RUNX1: variants seen among roughly 807,000 people sequenced by gnomAD.
RUNX1 encodes runt-related transcription factor 1.
In RUNX1, 19 loss-of-function variants were observed where a neutral mutation model predicts 42.8. The observed-to-expected ratio is 0.44, with a 90% CI of 0.31 to 0.65. The LOEUF is 0.65. RUNX1 is among the 30% of genes least tolerant of loss of function. RUNX1 has a pLI of 0.07. For synonymous variants in RUNX1, 271 were observed against 289.4 expected (o/e 0.94, Z 0.64); for missense variants, 528 against 672.0 (o/e 0.79, Z 2.37).
At position 34,843,762 on chromosome 21, in the gene RUNX1, G is replaced by A. The variant is rs1455394118; in HGVS notation, c.614-9161C>T. 1.3e-5 allele frequency among the ~76,000 whole-genome samples: 2 copies of A among 150,922 alleles called. No individual in the cohort carries two copies. Among genetic ancestry groups the A allele is most frequent in the African/African-American group, 2.4e-5 (1 of 41,098 alleles). On this transcript the variant is annotated intron_variant, in intron 6 of 8. Coordinates refer to ENST00000675419, the MANE Select transcript of RUNX1 (RefSeq NM_001754.5). This position sits in a 1 kb window ranked among gnomAD's most constrained non-coding sequence, Gnocchi z 4.8. ...CCCTGAGTCCAGGGCTCATTGCCACGAGCAGTGGAGTTTTTCGCCCACTCA... is the reference window on the plus strand; with the variant it reads ...CCCTGAGTCCAGGGCTCATTGCCACAAGCAGTGGAGTTTTTCGCCCACTCA...
At chr21:34,932,409 C>T (rs992015873) in intron 2 of RUNX1, among the ~76,000 whole-genome samples, 2 of 152,128 alleles carry the variant, frequency 1.3e-5, no homozygotes, top group Non-Finnish European at 2.9e-5. Flanking sequence ...CTTTCCAGTC[C>T]TCTTCAAACC....
At chr21:34,846,529 T>G (rs1023874152) in intron 6 of RUNX1, among the ~76,000 whole-genome samples, 1 of 152,072 alleles carries the variant, frequency 6.6e-6, no homozygotes, top group African/African-American at 2.4e-5. Context: ...TCATTCAATC[T>G]CCTCTTCTTT....
At chr21:34,887,896 G>A in intron 3 of RUNX1, 2 of 1,064,542 alleles carry the variant, frequency 1.9e-6, no homozygotes, top group Non-Finnish European at 2.3e-6. Context: ...CTGTCAAAAC[G>A]CTCAGTGCAG....
intron 2 of RUNX1, among the ~76,000 whole-genome samples, chr21:34,957,916 C>G (rs958369171): frequency 1.3e-5 from 2 of 152,096 alleles, no homozygotes; most frequent in African/African-American, 4.8e-5. Context: ...GTCCCAGTAG[C>G]CAACCCTTTT....
chr21:35,011,622 T>C (rs921953501), intron 2 of RUNX1, among the ~76,000 whole-genome samples: 1 of 152,252 alleles, frequency 6.6e-6, no homozygotes, highest in Admixed American at 6.5e-5. Context: ...CCATGGCCAC[T>C]GCCTGTGGAC....
Position 34,792,347 on chromosome 21 carries a change from C to T in RUNX1, c.1231G>A (p.Ala411Thr), listed in dbSNP as rs1256594190. Residue 411 changes from alanine (A) to threonine (T), a missense_variant, in exon 9 of 9, where the codon GCC becomes ACC. Ala to Thr is a moderately conservative substitution (Grantham distance 58, BLOSUM62 0). This residue lies in a region of RUNX1 where 331 missense variants were observed against 382.5 expected (regional missense o/e 0.87). Coordinates refer to ENST00000675419, the MANE Select transcript of RUNX1 (RefSeq NM_001754.5). The surrounding 1 kb of genome is among the most constrained non-coding windows in gnomAD (Gnocchi z 6.9). ...ACCATGGAGAACTGGTAGGAGCCGG[C>T]CGAGGCGCCGTAGTACAGGTGGTAG... ...PSYHLYYGAS[A>T]GSYQFSMVGG... 1.3e-6 allele frequency: 2 copies of T among 1,556,282 alleles called. No individual in the cohort carries two copies. The highest frequency in any genetic ancestry group is 1.7e-6 in the Non-Finnish European group (2 of 1,150,388).
chr21:35,019,039 C>A (rs1311462945), intron 2 of RUNX1, among the ~76,000 whole-genome samples: 1 of 152,224 alleles, frequency 6.6e-6, no homozygotes, highest in Non-Finnish European at 1.5e-5. Context: ...ACTTTCAGCT[C>A]AAAAGTCTCC....
chr21:35,008,048 A>G (rs2059098445), intron 2 of RUNX1, among the ~76,000 whole-genome samples: 1 of 152,046 alleles, frequency 6.6e-6, no homozygotes, highest in Admixed American at 6.5e-5. Context: ...CACATGCTGT[A>G]CCTTTTTAGC....
At chr21:34,996,161 C>T (rs1447028497) in intron 2 of RUNX1, among the ~76,000 whole-genome samples, 1 of 152,090 alleles carries the variant, frequency 6.6e-6, no homozygotes, top group African/African-American at 2.4e-5. Flanking sequence ...TCTCATCAAG[C>T]AGGAATTCTC....
chr21:34,907,079 G>A lies in RUNX1; in HGVS notation c.59-14116C>T, dbSNP rs946371570. 2.0e-5 allele frequency among the ~76,000 whole-genome samples: 3 copies of A among 152,164 alleles called. No homozygotes were observed. Among genetic ancestry groups the A allele is most frequent in the African/African-American group, 4.8e-5 (2 of 41,438 alleles). On this transcript the variant is annotated intron_variant, in intron 2 of 8. Coordinates refer to ENST00000675419, the MANE Select transcript of RUNX1 (RefSeq NM_001754.5). The surrounding 1 kb of genome is among the most constrained non-coding windows in gnomAD (Gnocchi z 5.3). ...ATTCATTATTCATGAGGACTTGATCGTGTATTCAAAGTCAGCCAGGAGGGT... is the reference window on the plus strand; with the variant it reads ...ATTCATTATTCATGAGGACTTGATCATGTATTCAAAGTCAGCCAGGAGGGT...
chr21:34,792,246 G>T lies in RUNX1; in HGVS notation c.1332C>A (p.Pro444=). Residue 444 remains proline (P), a synonymous_variant, in exon 9 of 9, where the codon CCC becomes CCA. Coordinates refer to ENST00000675419, the MANE Select transcript of RUNX1 (RefSeq NM_001754.5). The surrounding 1 kb of genome is among the most constrained non-coding windows in gnomAD (Gnocchi z 6.9). ...NASTGSALLN[P]SLPNQSDVVE... Reference sequence around the variant, plus strand: ...CCACGTCGCTCTGGTTCGGGAGGCTGGGGTTGAGCAGCGCGGAGCCGGTGG... The same window carrying T: ...CCACGTCGCTCTGGTTCGGGAGGCTTGGGTTGAGCAGCGCGGAGCCGGTGG... The T allele has an allele frequency of 6.5e-7, 1 of 1,539,492 alleles. No individual in the cohort carries two copies. The highest frequency in any genetic ancestry group is 8.7e-7 in the Non-Finnish European group (1 of 1,147,688).
rs1396650311 is a variant in RUNX1, at chr21:34,843,199, G to A, written c.614-8598C>T. On this transcript the variant is annotated intron_variant, in intron 6 of 8. Transcript: ENST00000675419. This position sits in a 1 kb window ranked among gnomAD's most constrained non-coding sequence, Gnocchi z 4.8. ...ACACATACAGACACACACATACACAGACACCTGGACACACACACAGATATA... is the reference window on the plus strand; with the variant it reads ...ACACATACAGACACACACATACACAAACACCTGGACACACACACAGATATA... Among the ~76,000 whole-genome samples the A allele has an allele frequency of 6.6e-6, 1 of 151,516 alleles. No individual in the cohort carries two copies. The highest frequency in any genetic ancestry group is 1.9e-4 in the East Asian group (1 of 5,184).
chr21:34,963,410 G>T (rs1327027715), intron 2 of RUNX1, among the ~76,000 whole-genome samples: 1 of 152,310 alleles, frequency 6.6e-6, no homozygotes, highest in Non-Finnish European at 1.5e-5. Context: ...ACGTGAGGAT[G>T]AAAAAGCCCA....
Position 35,041,118 on chromosome 21 carries a change from G to C in RUNX1, c.58+7724C>G, listed in dbSNP as rs79609703. On this transcript the variant is annotated intron_variant, in intron 2 of 8. Transcript: ENST00000675419. ...TCTTATTATTTCATTCTCCATTCGAGACTAGCAAAGTTTCTTTTGAGAAGT... is the reference window on the plus strand; with the variant it reads ...TCTTATTATTTCATTCTCCATTCGACACTAGCAAAGTTTCTTTTGAGAAGT... 2.3e-3 allele frequency among the ~76,000 whole-genome samples: 349 copies of C among 152,270 alleles called. 14 individuals are homozygous for C. In the East Asian group the frequency reaches 0.062, roughly 27 times the overall value.
intron 6 of RUNX1, among the ~76,000 whole-genome samples, chr21:34,852,061 G>A (rs552397110): frequency 7.9e-5 from 12 of 152,252 alleles, no homozygotes; most frequent in African/African-American, 2.4e-4. Context: ...CCAGCTACTC[G>A]GGAGGCTGAG....
At chr21:34,840,533 T>TAC in intron 6 of RUNX1, among the ~76,000 whole-genome samples, 1 of 152,362 alleles carries the variant, frequency 6.6e-6, no homozygotes, top group Middle Eastern at 3.4e-3. Flanking sequence ...TCTACTCAAC[T>TAC]GGTTCTAAGC....
At chr21:35,036,713 C>T (rs2059311295) in intron 2 of RUNX1, among the ~76,000 whole-genome samples, 1 of 152,238 alleles carries the variant, frequency 6.6e-6, no homozygotes, top group African/African-American at 2.4e-5. Flanking sequence ...GCGTGTGCAT[C>T]TCAACTCTTG....
chr21:34,933,192 T>C (rs1324337851), intron 2 of RUNX1, among the ~76,000 whole-genome samples: 1 of 152,198 alleles, frequency 6.6e-6, no homozygotes, highest in Non-Finnish European at 1.5e-5. Flanking sequence ...AACATCTCGA[T>C]GGTGGACTTG....
At chr21:34,870,710 A>T (rs2057724079) in intron 5 of RUNX1, among the ~76,000 whole-genome samples, 1 of 152,346 alleles carries the variant, frequency 6.6e-6, no homozygotes, top group South Asian at 2.1e-4. Context: ...CTGTAATCCC[A>T]GCACTTTGGG....
Sources: gnomAD v4.1 joint callset for allele counts (sites outside exome capture counted in the v4.1 genomes callset) on GRCh38, gnomAD v4.1.1 for gene constraint, gnomAD v4.1.1 regional missense constraint, Gnocchi (gnomAD v3.1) non-coding constraint, MANE v1.5 for transcripts, NCBI Gene and HGNC (gene_info 2026-07-23, HGNC 2026-07-21) for gene names.